Variants in MGAT4C observed in about 807,000 individuals in gnomAD.
The protein encoded by MGAT4C is alpha-1,3-mannosyl-glycoprotein 4-beta-N-acetylglucosaminyltransferase C.
In MGAT4C, 19 loss-of-function variants were observed where a neutral mutation model predicts 40.1. The observed-to-expected ratio is 0.47, with a 90% CI of 0.33 to 0.70. The LOEUF (loss-of-function observed/expected upper bound fraction) is 0.70. Among genes scored for constraint, MGAT4C ranks in the 30% least tolerant of loss-of-function variants. MGAT4C has a pLI of 0.02. For missense variants in MGAT4C, 491 were observed against 563.2 expected, an observed-to-expected ratio of 0.87 and a Z score of 1.30; for synonymous variants, 181 against 187.1, an observed-to-expected ratio of 0.97 and a Z score of 0.27.
At chr12:86,408,479 C>A (rs7972339) in intron 3 of MGAT4C, among the ~76,000 whole-genome samples, 1,039 of 63,130 alleles carry the variant, frequency 0.016, 8 homozygotes, top group East Asian at 0.035. Context: ...CTCTCTCTCT[C>A]TATATATATA....
chr12:86,825,417 C>T (rs1002626016), intron 1 of MGAT4C, among the ~76,000 whole-genome samples: 1 of 150,790 alleles, frequency 6.6e-6, no homozygotes, highest in Non-Finnish European at 1.5e-5. Context: ...GAGATATAGA[C>T]AATTTAAACA....
intron 4 of MGAT4C, among the ~76,000 whole-genome samples, chr12:86,326,117 G>C (rs1954521073): frequency 6.6e-6 from 1 of 151,720 alleles, no homozygotes; most frequent in Non-Finnish European, 1.5e-5. Context: ...ATTATTGGAG[G>C]ATTATGTGAG....
chr12:86,337,585 T>C (rs1376044646), intron 3 of MGAT4C, among the ~76,000 whole-genome samples: 2 of 86,042 alleles, frequency 2.3e-5, no homozygotes, highest in African/African-American at 1.5e-4. Context: ...AAATCTTGTC[T>C]CAAAAAAAAA....
intron 2 of MGAT4C, among the ~76,000 whole-genome samples, chr12:86,045,161 C>T (rs191199701): frequency 6.6e-6 from 1 of 152,254 alleles, no homozygotes; most frequent in East Asian, 1.9e-4. Flanking sequence ...GTCTCAGTCA[C>T]TTGGTGGCAG....
At chr12:86,329,130 A>C (rs1954594877) in intron 4 of MGAT4C, among the ~76,000 whole-genome samples, 1 of 151,032 alleles carries the variant, frequency 6.6e-6, no homozygotes, top group Admixed American at 6.6e-5. Context: ...ATAAATAAAT[A>C]AATAAATAAA....
chr12:86,521,018 T>C (rs1011030534), intron 2 of MGAT4C, among the ~76,000 whole-genome samples: 5 of 152,194 alleles, frequency 3.3e-5, no homozygotes, highest in African/African-American at 1.2e-4. Context: ...ATCCTGTAGG[T>C]TGTGTGTTCA....
chr12:86,019,726 A>C (rs1889471606), intron 2 of MGAT4C, among the ~76,000 whole-genome samples: 5 of 152,164 alleles, frequency 3.3e-5, no homozygotes, highest in Non-Finnish European at 7.3e-5. Flanking sequence ...AATTCTGTGA[A>C]GAAAGTCATT....
At chr12:86,299,898 A>G (rs1016323938) in intron 4 of MGAT4C, among the ~76,000 whole-genome samples, 4 of 152,230 alleles carry the variant, frequency 2.6e-5, no homozygotes, top group Non-Finnish European at 4.4e-5. Flanking sequence ...ATCAAGTGGA[A>G]GAGGAGACTG....
chr12:86,593,282 G>C (rs1040846301), intron 2 of MGAT4C, among the ~76,000 whole-genome samples: 15 of 151,744 alleles, frequency 9.9e-5, no homozygotes, highest in African/African-American at 3.1e-4. Context: ...TTTTGGTCAA[G>C]GTAGCTAAAT....
Position 85,970,276 on chromosome 12 carries a change from T to C in MGAT4C, c.*9013A>G, listed in dbSNP as rs2136657638. 6.6e-6 allele frequency: 1 copy of C among 151,460 alleles called. No homozygotes were observed. The highest frequency in any genetic ancestry group is 3.4e-3 in the Middle Eastern group (1 of 294). The allele number at this position is 151,460 out of a possible 1,614,324, so 9.4% of individuals were successfully genotyped here. On this transcript the variant is annotated 3_prime_UTR_variant, in exon 5 of 5. Transcript: ENST00000611864. ...TATATAAATAATATTGAATTATTTATATTCTTATTTAGTCTAGTAGATTGA... is the reference window on the plus strand; with the variant it reads ...TATATAAATAATATTGAATTATTTACATTCTTATTTAGTCTAGTAGATTGA...
chr12:86,584,962 T>C (rs1311547286), intron 2 of MGAT4C, among the ~76,000 whole-genome samples: 1 of 151,458 alleles, frequency 6.6e-6, no homozygotes, highest in African/African-American at 2.4e-5. Context: ...ATATCTCATA[T>C]AGCAGGTTGA....
intron 1 of MGAT4C, among the ~76,000 whole-genome samples, chr12:86,178,026 T>C (rs955087897): frequency 3.3e-5 from 5 of 152,110 alleles, no homozygotes; most frequent in African/African-American, 1.2e-4. Context: ...AAGCTCCGCC[T>C]CCTGGGTTCA....
intron 2 of MGAT4C, among the ~76,000 whole-genome samples, chr12:86,581,651 C>T (rs1009554477): frequency 4.0e-5 from 6 of 151,532 alleles, no homozygotes; most frequent in South Asian, 2.1e-4. Flanking sequence ...TATAGAAGAA[C>T]TATCACTCTT....
intron 1 of MGAT4C, among the ~76,000 whole-genome samples, chr12:86,182,519 A>G (rs887743331): frequency 1.3e-5 from 2 of 151,704 alleles, no homozygotes; most frequent in African/African-American, 4.8e-5. Context: ...ATCCCTATCC[A>G]TTTGTCTTCT....
chr12:86,054,419 T>G (rs549761353), intron 1 of MGAT4C, among the ~76,000 whole-genome samples: 11 of 152,066 alleles, frequency 7.2e-5, no homozygotes, highest in African/African-American at 2.6e-4. Context: ...TACCAGGGGC[T>G]GGAATGGAGG....
intron 1 of MGAT4C, among the ~76,000 whole-genome samples, chr12:86,235,697 A>G (rs1951504747): frequency 6.6e-6 from 1 of 152,032 alleles, no homozygotes; most frequent in Non-Finnish European, 1.5e-5. Flanking sequence ...CTCTTCTTGG[A>G]GTATTTTCTC....
chr12:86,445,164 TA>T (rs1276104149), intron 2 of MGAT4C, among the ~76,000 whole-genome samples: 1 of 152,186 alleles, frequency 6.6e-6, no homozygotes, highest in Non-Finnish European at 1.5e-5. Flanking sequence ...TCTCACACTT[TA>T]AATATGTGTA....
At chr12:86,450,574 T>C (rs1281658243) in intron 2 of MGAT4C, among the ~76,000 whole-genome samples, 2 of 152,140 alleles carry the variant, frequency 1.3e-5, no homozygotes. Flanking sequence ...TAACATATAT[T>C]TAACTATATC....
intron 1 of MGAT4C, among the ~76,000 whole-genome samples, chr12:86,163,190 G>T (rs1885796417): frequency 2.0e-5 from 3 of 151,806 alleles, no homozygotes; most frequent in Non-Finnish European, 2.9e-5. Flanking sequence ...ACAACAATTA[G>T]AAATCATCCT....
Sources: allele counts gnomAD v4.1 joint callset (sites outside exome capture counted in the v4.1 genomes callset), GRCh38; gene constraint gnomAD v4.1.1; transcripts MANE v1.5; gene names NCBI Gene and HGNC (gene_info 2026-07-23, HGNC 2026-07-21).